The following GPRIN3 variants were observed in gnomAD, a reference collection of about 807,000 sequenced individuals.
GPRIN3 encodes the protein GPRIN family member 3.
In GPRIN3, 12 loss-of-function variants were observed where a neutral mutation model predicts 13.7. The ratio of observed to expected loss-of-function variants is 0.87; its 90% confidence interval spans 0.56 to 1.42. The LOEUF (loss-of-function observed/expected upper bound fraction) is 1.42, where lower values mean the gene tolerates loss of function less well. Among genes scored for constraint, GPRIN3 ranks in the 40% most tolerant of loss-of-function variants. GPRIN3 has a pLI of 0.00. For synonymous variants in GPRIN3, 377 were observed against 372.7 expected (o/e 1.01, Z -0.13); for missense variants, 1,009 against 958.7 (o/e 1.05, Z -0.69).
At chr4:89,274,841 G>T (rs528068442) in intron 1 of GPRIN3, among the ~76,000 whole-genome samples, 1 of 152,292 alleles carries the variant, frequency 6.6e-6, no homozygotes, top group Admixed American at 6.5e-5. Context: ...GTCAGCAATT[G>T]TCTCCCAACC....
In GPRIN3 at chr4:89,248,235, G is replaced by T. The variant is rs773756446; in HGVS notation, c.1876C>A (p.Arg626Ser). Residue 626 changes from arginine (R) to serine (S), a missense_variant, in exon 2 of 2, where the codon CGC (arginine) becomes AGC (serine). Coordinates refer to ENST00000609438, the MANE Select transcript of GPRIN3 (RefSeq NM_198281.3). ...SPGSGKKTPS[R>S]SVKASPRRPS... The stretch of plus-strand genomic sequence containing the variant: ...CTGCGTGGGCTGGCTTTGACGGAGC[G>T]AGATGGGGTCTTCTTGCCAGAACCT... 6.2e-7 allele frequency: 1 copy of T among 1,614,064 alleles called. No homozygotes were observed. The highest frequency in any genetic ancestry group is 1.3e-5 in the African/African-American group (1 of 74,934).
chr4:89,296,181 G>A (rs965704638), intron 1 of GPRIN3, among the ~76,000 whole-genome samples: 10 of 152,084 alleles, frequency 6.6e-5, no homozygotes, highest in Admixed American at 2.0e-4. Context: ...GACATGAGGT[G>A]GTAAAGACAT....
At chr4:89,278,386 G>C (rs1340329548) in intron 1 of GPRIN3, among the ~76,000 whole-genome samples, 1 of 152,076 alleles carries the variant, frequency 6.6e-6, no homozygotes, top group African/African-American at 2.4e-5. Context: ...TCGTTCATTT[G>C]CCACAGCGAT....
intron 1 of GPRIN3, among the ~76,000 whole-genome samples, chr4:89,256,203 T>C (rs1395396133): frequency 6.6e-6 from 1 of 151,968 alleles, no homozygotes; most frequent in Admixed American, 6.6e-5. Context: ...AAAGAAAAAA[T>C]TTTAAAATTT....
chr4:89,299,313 C>T (rs1724828449), intron 1 of GPRIN3, among the ~76,000 whole-genome samples: 1 of 152,108 alleles, frequency 6.6e-6, no homozygotes, highest in South Asian at 2.1e-4. Context: ...AACACCGACA[C>T]TTTAGGATTA....
intron 1 of GPRIN3, among the ~76,000 whole-genome samples, chr4:89,303,345 T>C (rs1222413815): frequency 6.6e-6 from 1 of 152,170 alleles, no homozygotes; most frequent in African/African-American, 2.4e-5. Flanking sequence ...AGTTGCATTC[T>C]GAGAAATGAA....
In GPRIN3 at chr4:89,249,963, C is replaced by T. The variant is rs759467599; in HGVS notation, c.148G>A (p.Ala50Thr). 2.2e-5 allele frequency: 36 copies of T among 1,614,104 alleles called. No homozygotes were observed. Among genetic ancestry groups the T allele is most frequent in the Non-Finnish European group, 2.9e-5 (34 of 1,180,028 alleles). ...GGGCTGAGGTCTGGTTCTGCAGGGG[C>T]ACCTGAAAAGCCATTGGCATTCTTA... is the stretch of plus-strand genomic sequence containing the variant. ...LCKNANGFSG[A>T]PAEPDLSPRA... Residue 50 changes from alanine (A) to threonine (T), a missense_variant, in exon 2 of 2, where the codon GCC becomes ACC. Ala to Thr is a moderately conservative substitution (Grantham distance 58). Transcript: ENST00000609438.
At chr4:89,279,474 T>A (rs889631091) in intron 1 of GPRIN3, among the ~76,000 whole-genome samples, 1 of 152,160 alleles carries the variant, frequency 6.6e-6, no homozygotes, top group Admixed American at 6.5e-5. Context: ...TAGCTCTGCT[T>A]TCCTTACAAC....
In GPRIN3 at chr4:89,247,781, C is replaced by CA; in HGVS notation, c.2329dup (p.Ter777LeufsTer46). 2 of 1,602,124 alleles carry CA rather than the reference C, an allele frequency of 1.2e-6. No homozygotes were observed. The highest frequency in any genetic ancestry group is 1.7e-6 in the Non-Finnish European group (2 of 1,172,136). ...ACAAACTCCCATAAATACTCCCTTT[C>CA]AATCTAACACAGAAGACGGGGCAGG... On this transcript the variant is annotated frameshift_variant and stop_lost, in exon 2 of 2. Coordinates refer to ENST00000609438, the MANE Select transcript of GPRIN3 (RefSeq NM_198281.3). LOFTEE classifies it high-confidence loss of function.
At chr4:89,260,768 A>G (rs527739598) in intron 1 of GPRIN3, among the ~76,000 whole-genome samples, 27 of 152,352 alleles carry the variant, frequency 1.8e-4, no homozygotes, top group African/African-American at 6.0e-4. Flanking sequence ...CATTTGAAAT[A>G]AGAGAAAGGT....
chr4:89,283,285 C>A (rs1724305914), intron 1 of GPRIN3, among the ~76,000 whole-genome samples: 2 of 152,192 alleles, frequency 1.3e-5, no homozygotes, highest in Admixed American at 1.3e-4. Context: ...TAGAGAGCCA[C>A]AAAGGCTCAA....
chr4:89,304,402 G>GCACACA lies in GPRIN3; in HGVS notation c.-124+3207_-124+3212dup, dbSNP rs34371395. ...ATATCACAGTCCATTATGCAGGCTTGCACACACACACACATACGTATATAT... is the reference window on the plus strand; with the variant it reads ...ATATCACAGTCCATTATGCAGGCTTGCACACACACACACACACACATACGTATATAT... On this transcript the variant is annotated intron_variant, in intron 1 of 1. Coordinates refer to ENST00000609438, the MANE Select transcript of GPRIN3 (RefSeq NM_198281.3). Among the ~76,000 whole-genome samples the GCACACA allele has an allele frequency of 1.8e-3, 268 of 151,068 alleles. 2 individuals carry two copies. The highest frequency in any genetic ancestry group is 5.9e-3 in the East Asian group (30 of 5,122).
rs371769196 is a variant in GPRIN3 at position 89,262,830 on chromosome 4, C to A, written c.-123-12597G>T. Among the ~76,000 whole-genome samples, 143 of 152,326 alleles carry A rather than the reference C, an allele frequency of 9.4e-4. 5 individuals carry two copies. The South Asian group carries it at 0.028, about 29-fold the overall frequency. On this transcript the variant is annotated intron_variant, in intron 1 of 1. Coordinates refer to ENST00000609438, the MANE Select transcript of GPRIN3 (RefSeq NM_198281.3). The stretch of plus-strand genomic sequence containing the variant: ...TGCCCTGCCCACCCTCCGCCATCCC[C>A]CTACTTTCCTATTCCTGGTAGCTCT...
rs113314138 is a variant in GPRIN3, at chr4:89,267,388, G to T, written c.-123-17155C>A. ...TTGTTTAAACCAGTTCTACACATGGGTATGAAGTATATAATTAGGCTGTAC... is the reference window on the plus strand; with the variant it reads ...TTGTTTAAACCAGTTCTACACATGGTTATGAAGTATATAATTAGGCTGTAC... On this transcript the variant is annotated intron_variant, in intron 1 of 1. Coordinates refer to ENST00000609438, the MANE Select transcript of GPRIN3 (RefSeq NM_198281.3). Among the ~76,000 whole-genome samples the T allele has an allele frequency of 1.2e-3, 180 of 152,228 alleles. 2 individuals carry two copies. In the East Asian group the frequency reaches 0.03, roughly 25 times the overall value.
At chr4:89,255,753 T>C (rs937609687) in intron 1 of GPRIN3, among the ~76,000 whole-genome samples, 1 of 152,320 alleles carries the variant, frequency 6.6e-6, no homozygotes, top group African/African-American at 2.4e-5. Context: ...AAAACTGGAC[T>C]CTGCAAAAGA....
chr4:89,236,655 TG>T lies in GPRIN3; in HGVS notation c.*11124del, dbSNP rs1283630889. Reference sequence around the variant, plus strand: ...GTTGAAATTTGGAGGTGGGGTCTGGTGGGAGGTGTTTTGGTTTACTCAGCCA... The same window carrying T: ...GTTGAAATTTGGAGGTGGGGTCTGGTGGAGGTGTTTTGGTTTACTCAGCCA... On this transcript the variant is annotated 3_prime_UTR_variant, in exon 2 of 2. Transcript: ENST00000609438. 6.6e-6 allele frequency: 1 copy of T among 152,112 alleles called. No homozygotes were observed. The highest frequency in any genetic ancestry group is 2.4e-5 in the African/African-American group (1 of 41,428). The allele number at this position is 152,112 out of a possible 1,614,324, so 9.4% of individuals were successfully genotyped here.
At chr4:89,272,266 A>G (rs1345839356) in intron 1 of GPRIN3, among the ~76,000 whole-genome samples, 1 of 152,220 alleles carries the variant, frequency 6.6e-6, no homozygotes, top group Non-Finnish European at 1.5e-5. Flanking sequence ...TTGGGTTTCT[A>G]GAAAAAGACT....
At chr4:89,264,141 G>A (rs1479421477) in intron 1 of GPRIN3, among the ~76,000 whole-genome samples, 1 of 152,200 alleles carries the variant, frequency 6.6e-6, no homozygotes, top group African/African-American at 2.4e-5. Context: ...CAGTGTTGGA[G>A]GTGGGGCCTA....
chr4:89,266,412 C>T (rs1359566477), intron 1 of GPRIN3, among the ~76,000 whole-genome samples: 1 of 152,144 alleles, frequency 6.6e-6, no homozygotes, highest in African/African-American at 2.4e-5. Flanking sequence ...AGTGGCTCTT[C>T]ATAAACTTAT....
Sources: gnomAD v4.1 joint callset for allele counts (sites outside exome capture counted in the v4.1 genomes callset) on GRCh38, gnomAD v4.1.1 for gene constraint, MANE v1.5 for transcripts, NCBI Gene and HGNC (gene_info 2026-07-23, HGNC 2026-07-21) for gene names.